The following CMIP variants were observed in gnomAD, a reference collection of about 807,000 sequenced individuals.
CMIP encodes the protein c-Maf inducing protein.
In CMIP, 13 loss-of-function variants were observed where a neutral mutation model predicts 97.3. The ratio of observed to expected loss-of-function variants is 0.13; its 90% confidence interval spans 0.09 to 0.21. CMIP has a LOEUF of 0.21. CMIP is among the 10% of genes least tolerant of loss of function. The pLI is 1.00. For missense variants in CMIP, 847 were observed against 1,024.9 expected, an observed-to-expected ratio of 0.83 and a Z score of 2.37; for synonymous variants, 538 against 436.3, an observed-to-expected ratio of 1.23 and a Z score of -2.91.
At chr16:81,694,178 C>A (rs945847969) in intron 13 of CMIP, among the ~76,000 whole-genome samples, 2 of 152,204 alleles carry the variant, frequency 1.3e-5, no homozygotes, top group African/African-American at 4.8e-5. Context: ...TGGTCCACGA[C>A]TGAGGCAAGA....
intron 11 of CMIP, among the ~76,000 whole-genome samples, chr16:81,692,455 C>T (rs1906198127): frequency 6.6e-6 from 1 of 152,210 alleles, no homozygotes; most frequent in African/African-American, 2.4e-5. Context: ...GTCAAAATAA[C>T]CAGGCCCTGA....
rs945648635 is a variant in CMIP, at chr16:81,627,781, A to G, written c.477+6855A>G. ...CAGATGCCTCCCAGCGAGGGTCACA[A>G]TCTCGCTTCCACCTCATGAGTGGCT... On this transcript the variant is annotated intron_variant, in intron 3 of 20. Transcript: ENST00000537098. The surrounding 1 kb of genome is among the most constrained non-coding windows in gnomAD (Gnocchi z 4.6). Among the ~76,000 whole-genome samples, 1 of 152,138 alleles carries G rather than the reference A, an allele frequency of 6.6e-6. No individual in the cohort carries two copies. Among genetic ancestry groups the G allele is most frequent in the Non-Finnish European group, 1.5e-5 (1 of 68,002 alleles).
intron 1 of CMIP, among the ~76,000 whole-genome samples, chr16:81,448,325 G>A (rs943569077): frequency 6.6e-6 from 1 of 152,050 alleles, no homozygotes; most frequent in Non-Finnish European, 1.5e-5. Flanking sequence ...ACTCTTTTTT[G>A]CCCAAACCTT....
chr16:81,506,186 C>T (rs1196697217), intron 1 of CMIP, among the ~76,000 whole-genome samples: 1 of 152,166 alleles, frequency 6.6e-6, no homozygotes, highest in African/African-American at 2.4e-5. Context: ...AAGGAACTTC[C>T]TGCAGCTCAC....
intron 3 of CMIP, among the ~76,000 whole-genome samples, chr16:81,643,617 C>G (rs1320045544): frequency 1.3e-5 from 2 of 152,164 alleles, no homozygotes; most frequent in African/African-American, 4.8e-5. Context: ...TGGTGTGAAA[C>G]CCCATCTCTA....
intron 1 of CMIP, among the ~76,000 whole-genome samples, chr16:81,454,712 A>G (rs1906439432): frequency 6.6e-6 from 1 of 152,240 alleles, no homozygotes; most frequent in African/African-American, 2.4e-5. Context: ...TCATAGTTAA[A>G]TGGGGGTATT....
chr16:81,527,111 T>C (rs2090147589), intron 1 of CMIP, among the ~76,000 whole-genome samples: 1 of 152,140 alleles, frequency 6.6e-6, no homozygotes, highest in Non-Finnish European at 1.5e-5. Context: ...GTTTTCTTGG[T>C]TTTTGTCTGC....
rs185906113 is a variant in CMIP, at chr16:81,555,801, G to A, written c.301-51766G>A. On this transcript the variant is annotated intron_variant, in intron 1 of 20. Transcript: ENST00000537098. The stretch of plus-strand genomic sequence containing the variant: ...CCGGGCTGGTTATTGCCATTGGAGT[G>A]TGTCTGGTCTGCCCTGGTTGGGGGA... 2.6e-5 allele frequency among the ~76,000 whole-genome samples: 4 copies of A among 152,322 alleles called. No homozygotes were observed. The East Asian group carries it at 7.7e-4, about 29-fold the overall frequency.
At chr16:81,594,780 ATTTTTTTT>A (rs570057427) in intron 1 of CMIP, among the ~76,000 whole-genome samples, 155 of 115,048 alleles carry the variant, frequency 1.3e-3, no homozygotes, top group African/African-American at 4.8e-3. Flanking sequence ...CGCCCAGCTA[ATTTTTTTT>A]TTTTTTTTTT....
intron 1 of CMIP, among the ~76,000 whole-genome samples, chr16:81,561,398 G>C (rs370925466): frequency 1.2e-4 from 19 of 152,356 alleles, no homozygotes; most frequent in African/African-American, 4.6e-4. Context: ...AAGGGACCCA[G>C]CTATGCAGAC....
chr16:81,623,879 G>A (rs2092024401), intron 3 of CMIP, among the ~76,000 whole-genome samples: 4 of 152,142 alleles, frequency 2.6e-5, no homozygotes, highest in Admixed American at 2.6e-4. Context: ...CCAAGGCTCA[G>A]AGAGATCAAG....
chr16:81,488,840 G>A (rs2089362030), intron 1 of CMIP, among the ~76,000 whole-genome samples: 1 of 152,146 alleles, frequency 6.6e-6, no homozygotes, highest in Non-Finnish European at 1.5e-5. Flanking sequence ...GCAGAGCGAT[G>A]TAGTTGCCAC....
At chr16:81,536,410 A>G (rs180714263) in intron 1 of CMIP, among the ~76,000 whole-genome samples, 193 of 152,304 alleles carry the variant, frequency 1.3e-3, no homozygotes, top group Non-Finnish European at 2.3e-3. Context: ...ACTCGGGGGC[A>G]TTATAAATTG....
chr16:81,518,825 C>G (rs1310617382), intron 1 of CMIP: 1 of 148,808 alleles, frequency 6.7e-6, no homozygotes, highest in Non-Finnish European at 1.5e-5. Flanking sequence ...ATAGCGAGAC[C>G]TGCATCTCTA....
At chr16:81,691,217 C>T (rs1238561678) in intron 10 of CMIP, among the ~76,000 whole-genome samples, 15 of 152,198 alleles carry the variant, frequency 9.9e-5, no homozygotes. Flanking sequence ...AAGGTGTGGG[C>T]AGGGCTGGTT....
At chr16:81,709,711 C>T (rs760503325) in intron 20 of CMIP, 35 bp from the exon 21 acceptor site, 4 of 1,612,820 alleles carry the variant, frequency 2.5e-6, no homozygotes, top group Non-Finnish European at 3.4e-6. Flanking sequence ...AGGGAATGGC[C>T]TACACGTGAC....
At chr16:81,688,116 C>A (rs1279837207) in intron 10 of CMIP, among the ~76,000 whole-genome samples, 1 of 152,184 alleles carries the variant, frequency 6.6e-6, no homozygotes, top group Non-Finnish European at 1.5e-5. Flanking sequence ...GGGGGTGACA[C>A]CCTGGTGCCT....
chr16:81,486,013 AG>A (rs1392614046), intron 1 of CMIP, among the ~76,000 whole-genome samples: 2 of 152,200 alleles, frequency 1.3e-5, no homozygotes, highest in African/African-American at 4.8e-5. Context: ...CGGAGGGTTG[AG>A]GGGTTGGGCG....
intron 10 of CMIP, among the ~76,000 whole-genome samples, chr16:81,686,831 G>A (rs1376663137): frequency 1.3e-5 from 2 of 152,172 alleles, no homozygotes; most frequent in Non-Finnish European, 2.9e-5. Context: ...TAGACACACA[G>A]CACGCAAACC....
Sources: allele counts gnomAD v4.1 joint callset (sites outside exome capture counted in the v4.1 genomes callset), GRCh38; gene constraint gnomAD v4.1.1; non-coding constraint Gnocchi (gnomAD v3.1); transcripts MANE v1.5; gene names NCBI Gene and HGNC (gene_info 2026-07-23, HGNC 2026-07-21).